The following LHFPL6 variants were observed in gnomAD, a reference collection of about 807,000 sequenced individuals.
The protein encoded by LHFPL6 is LHFPL tetraspan subfamily member 6 protein.
A neutral mutation model predicts 20.6 loss-of-function variants in LHFPL6; 9 were observed. The ratio of observed to expected loss-of-function variants is 0.44; its 90% CI spans 0.26 to 0.76. The LOEUF (loss-of-function observed/expected upper bound fraction) is 0.76. Ranked by LOEUF, LHFPL6 falls within the 30% of genes least tolerant of loss-of-function variation. The pLI, the probability that LHFPL6 is intolerant of heterozygous loss-of-function variation, is 0.20. For synonymous variants in LHFPL6, 105 were observed against 98.7 expected (o/e 1.06, Z -0.38); for missense variants, 218 against 253.5 (o/e 0.86, Z 0.95).
At chr13:39,590,352 G>A (rs970644577) in intron 2 of LHFPL6, among the ~76,000 whole-genome samples, 17 of 152,088 alleles carry the variant, frequency 1.1e-4, no homozygotes, top group Admixed American at 3.3e-4. Flanking sequence ...AAGTTCTGCC[G>A]CAATGAATCT....
intron 2 of LHFPL6, among the ~76,000 whole-genome samples, chr13:39,379,695 G>A (rs1870387840): frequency 1.3e-5 from 2 of 152,144 alleles, no homozygotes; most frequent in South Asian, 2.1e-4. Flanking sequence ...CTAAAGGAGA[G>A]CTAGCTACTT....
At chr13:39,454,975 A>G (rs1000338082) in intron 2 of LHFPL6, among the ~76,000 whole-genome samples, 43 of 152,078 alleles carry the variant, frequency 2.8e-4, no homozygotes, top group Non-Finnish European at 5.7e-4. Flanking sequence ...TATTATTTCC[A>G]CTTTGGAGAT....
intron 2 of LHFPL6, among the ~76,000 whole-genome samples, chr13:39,521,901 A>G (rs1463200168): frequency 3.3e-5 from 5 of 152,222 alleles, no homozygotes; most frequent in Non-Finnish European, 4.4e-5. Context: ...AGGAAAACCA[A>G]TTAGTGACGT....
intron 2 of LHFPL6, among the ~76,000 whole-genome samples, chr13:39,448,212 T>G (rs538795061): frequency 6.6e-6 from 1 of 152,356 alleles, no homozygotes; most frequent in South Asian, 2.1e-4. Context: ...TGACTCAGTT[T>G]GATAGCACTG....
intron 2 of LHFPL6, among the ~76,000 whole-genome samples, chr13:39,437,598 T>G (rs772172963): frequency 9.9e-5 from 15 of 152,280 alleles, no homozygotes; most frequent in South Asian, 6.2e-4. Context: ...AGGTATTTCT[T>G]TACAGCAGTG....
chr13:39,364,994 C>A (rs917682605), intron 3 of LHFPL6, among the ~76,000 whole-genome samples: 3 of 152,188 alleles, frequency 2.0e-5, no homozygotes, highest in Admixed American at 2.0e-4. Context: ...ACACTGTGAA[C>A]TGACACAGAA....
intron 3 of LHFPL6, among the ~76,000 whole-genome samples, chr13:39,369,790 T>TG (rs1870120221): frequency 6.6e-6 from 1 of 151,998 alleles, no homozygotes; most frequent in African/African-American, 2.4e-5. Context: ...AGGAAGTAAG[T>TG]GAATCTATTG....
At position 39,595,118 on chromosome 13, in the gene LHFPL6, AAAAT is replaced by A. The variant is rs773724604; in HGVS notation, c.385+5710_385+5713del. 1.5e-3 allele frequency among the ~76,000 whole-genome samples: 223 copies of A among 152,210 alleles called. 1 individual carries two copies. The highest frequency in any genetic ancestry group is 4.0e-3 in the African/African-American group (168 of 41,554). On this transcript the variant is annotated intron_variant, in intron 2 of 3. Transcript: ENST00000379589. ...TGTACCCTAAAACTTAAAGTATAAT[AAAAT>A]AAATAAATAAATAAATAAAAATAAA...
intron 2 of LHFPL6, among the ~76,000 whole-genome samples, chr13:39,512,913 C>A (rs1244743472): frequency 6.6e-6 from 1 of 152,180 alleles, no homozygotes; most frequent in African/African-American, 2.4e-5. Context: ...AAAGACGTGC[C>A]CAGGCACGCG....
intron 2 of LHFPL6, among the ~76,000 whole-genome samples, chr13:39,523,908 C>T (rs11838942): frequency 6.6e-6 from 1 of 151,982 alleles, no homozygotes; most frequent in Non-Finnish European, 1.5e-5. Flanking sequence ...CATAAATAAG[C>T]TGGCGAGCTT....
intron 2 of LHFPL6, among the ~76,000 whole-genome samples, chr13:39,555,174 T>C (rs1208653618): frequency 2.0e-5 from 3 of 152,208 alleles, no homozygotes; most frequent in Non-Finnish European, 4.4e-5. Flanking sequence ...CAAATATGAC[T>C]ATGTTAAATT....
At chr13:39,469,929 G>A (rs1872901648) in intron 2 of LHFPL6, among the ~76,000 whole-genome samples, 1 of 152,136 alleles carries the variant, frequency 6.6e-6, no homozygotes, top group African/African-American at 2.4e-5. Flanking sequence ...CTACACTAGA[G>A]ACACAGGCAA....
At chr13:39,525,341 G>C (rs1870254047) in intron 2 of LHFPL6, among the ~76,000 whole-genome samples, 1 of 152,060 alleles carries the variant, frequency 6.6e-6, no homozygotes, top group Non-Finnish European at 1.5e-5. Flanking sequence ...TTGTGACATA[G>C]TTCTCCTTCT....
intron 2 of LHFPL6, among the ~76,000 whole-genome samples, chr13:39,578,994 C>T (rs1262680890): frequency 2.0e-5 from 3 of 152,186 alleles, no homozygotes; most frequent in Admixed American, 1.3e-4. Context: ...TCTTATGTAA[C>T]CTCTCGTGTA....
chr13:39,452,496 C>T (rs922202615), intron 2 of LHFPL6, among the ~76,000 whole-genome samples: 2 of 152,154 alleles, frequency 1.3e-5, no homozygotes, highest in Non-Finnish European at 2.9e-5. Context: ...GCCTATGTTA[C>T]GATAATGCCT....
intron 2 of LHFPL6, among the ~76,000 whole-genome samples, chr13:39,597,452 T>C (rs1872804003): frequency 6.6e-6 from 1 of 152,254 alleles, no homozygotes; most frequent in Admixed American, 6.5e-5. Context: ...AAAACGGTAT[T>C]TGAAAGCACA....
chr13:39,358,847 TC>T (rs1393641270), intron 3 of LHFPL6, among the ~76,000 whole-genome samples: 9 of 152,066 alleles, frequency 5.9e-5, no homozygotes, highest in African/African-American at 2.2e-4. Context: ...CAAGATACCA[TC>T]TCACACCAGT....
At chr13:39,354,364 G>A (rs944814067) in intron 3 of LHFPL6, among the ~76,000 whole-genome samples, 8 of 151,692 alleles carry the variant, frequency 5.3e-5, no homozygotes, top group Non-Finnish European at 1.2e-4. Flanking sequence ...GACAAATAAA[G>A]AATATAAAAA....
At chr13:39,562,549 TATATACACATAC>T (rs769761119) in intron 2 of LHFPL6, among the ~76,000 whole-genome samples, 38,431 of 137,922 alleles carry the variant, frequency 0.28, 7,679 homozygotes, top group South Asian at 0.37. Context: ...CACATATACA[TATATACACATAC>T]ATATACACAT....
Sources: allele counts gnomAD v4.1 joint callset (sites outside exome capture counted in the v4.1 genomes callset), GRCh38; gene constraint gnomAD v4.1.1; transcripts MANE v1.5; gene names NCBI Gene and HGNC (gene_info 2026-07-23, HGNC 2026-07-21).